GPR180: variants seen among roughly 807,000 people sequenced by gnomAD.
The protein encoded by GPR180 is integral membrane protein GPR180.
GPR180 carries 53 observed loss-of-function variants against 52.6 expected under a neutral mutation model. That is an observed-to-expected ratio of 1.01 (90% CI 0.81 to 1.27). The LOEUF (loss-of-function observed/expected upper bound fraction) is 1.27. GPR180 is among the 50% of genes most tolerant of loss of function. The probability of loss-of-function intolerance (pLI) is 0.00; values close to 1 mark genes in which losing one functional copy is unlikely to be tolerated. For missense variants in GPR180, 533 were observed against 527.0 expected (o/e 1.01, Z -0.11); for synonymous variants, 200 against 193.1 (o/e 1.04, Z -0.30).
chr13:94,602,049 G>A lies in GPR180; in HGVS notation c.122G>A (p.Arg41His), dbSNP rs761090979. 35 of 1,419,286 alleles carry A rather than the reference G, an allele frequency of 2.5e-5. No homozygotes were observed. In the South Asian group the frequency reaches 5.0e-4, roughly 20 times the overall value. 87.9% of individuals were successfully genotyped at this position (1,419,286 alleles called of 1,614,324 possible). A position where few individuals can be genotyped will look rare whatever the true frequency, so the allele number is the denominator to read the frequency against. Residue 41 changes from arginine to histidine, a missense_variant, in exon 1 of 9, where the codon CGC becomes CAC. By Grantham distance (29) the Arg-to-His change is conservative (BLOSUM62 0). Transcript: ENST00000376958. The part of the protein sequence containing the change: ...STAAQDAQGQ[R>H]IGHFEFHGDH... ...GCGGCCCAGGACGCCCAGGGCCAGC[G>A]CATCGGCCACTTCGAGTTCCATGGT...
chr13:94,605,965 T>A (rs1442612539), intron 2 of GPR180, among the ~76,000 whole-genome samples: 1 of 152,200 alleles, frequency 6.6e-6, no homozygotes, highest in Non-Finnish European at 1.5e-5. Context: ...ACATGTCATT[T>A]GAACATGAGA....
chr13:94,623,675 C>CT (rs1889885290), intron 7 of GPR180, among the ~76,000 whole-genome samples: 2 of 133,902 alleles, frequency 1.5e-5, no homozygotes, highest in South Asian at 2.6e-4. Flanking sequence ...GCGAGACCTT[C>CT]TTTTTTTCAA....
chr13:94,616,808 A>G (rs1292728714), intron 3 of GPR180, among the ~76,000 whole-genome samples: 1 of 151,976 alleles, frequency 6.6e-6, no homozygotes, highest in Non-Finnish European at 1.5e-5. Context: ...AAAACAAAAA[A>G]TTGGTAGCTG....
rs1297382014 is a variant in GPR180, at chr13:94,628,307, G to A, written c.*1136G>A. On this transcript the variant is annotated 3_prime_UTR_variant, in exon 9 of 9. Coordinates refer to ENST00000376958, the MANE Select transcript of GPR180 (RefSeq NM_180989.6). ...GTGCCTGATTAAAGAATTGCTAAAT[G>A]GTTGTCAATACTCGCTGTATAAAAT... 1.3e-5 allele frequency: 2 copies of A among 152,164 alleles called. No individual in the cohort carries two copies. The highest frequency in any genetic ancestry group is 4.8e-5 in the African/African-American group (2 of 41,392). 9.4% of individuals were successfully genotyped at this position (152,164 alleles called of 1,614,324 possible).
chr13:94,619,997 C>G (rs1889831816), intron 5 of GPR180, among the ~76,000 whole-genome samples: 1 of 152,190 alleles, frequency 6.6e-6, no homozygotes, highest in Non-Finnish European at 1.5e-5. Flanking sequence ...CCTGGAATTA[C>G]AGGCATGAGT....
chr13:94,622,131 A>G (rs1351351140), intron 6 of GPR180, among the ~76,000 whole-genome samples: 3 of 152,124 alleles, frequency 2.0e-5, no homozygotes, highest in South Asian at 2.1e-4. Context: ...GAGAGAGACC[A>G]TATCACAGGT....
intron 4 of GPR180, 48 bp downstream of exon 4, chr13:94,619,378 C>G (rs1294891100): frequency 2.5e-6 from 4 of 1,589,264 alleles, no homozygotes; most frequent in Admixed American, 3.4e-5. Context: ...TCTAATTAAT[C>G]CTAATTAGTC....
In GPR180 at chr13:94,619,100, G is replaced by A. The variant is rs369128968; in HGVS notation, c.506-50G>A. 2.0e-5 allele frequency: 29 copies of A among 1,474,740 alleles called. No homozygotes were observed. The Admixed American group carries it at 2.5e-4, about 13-fold the overall frequency. 91.4% of individuals were successfully genotyped at this position (1,474,740 alleles called of 1,614,324 possible). Reference sequence around the variant, plus strand: ...GGGAGATTTGAAAGCAGCCCAATACGATAACTGGCTTTGTTTTACTGAAGC... The same window carrying A: ...GGGAGATTTGAAAGCAGCCCAATACAATAACTGGCTTTGTTTTACTGAAGC... On this transcript the variant is annotated intron_variant, in intron 3 of 8. Transcript: ENST00000376958.
intron 2 of GPR180, among the ~76,000 whole-genome samples, chr13:94,609,070 T>C (rs1227001238): frequency 1.3e-5 from 2 of 152,208 alleles, no homozygotes; most frequent in East Asian, 3.8e-4. Context: ...GAATTTTCTA[T>C]CAGATTACAA....
chr13:94,611,365 C>T (rs144048575), intron 2 of GPR180, among the ~76,000 whole-genome samples: 8 of 152,154 alleles, frequency 5.3e-5, no homozygotes, highest in South Asian at 4.2e-4. Flanking sequence ...AAATTTAACT[C>T]GAGTAATCTT....
chr13:94,623,116 T>C lies in GPR180; in HGVS notation c.902T>C (p.Leu301Ser). 1 of 1,608,580 alleles carries C rather than the reference T, an allele frequency of 6.2e-7. No homozygotes were observed. Among genetic ancestry groups the C allele is most frequent in the Non-Finnish European group, 8.5e-7 (1 of 1,176,684 alleles). The change falls in exon 7 of 9, where the codon TTG becomes TCG. Residue 301 changes from leucine (L) to serine (S), a missense_variant. Physicochemically the swap from Leu to Ser is moderately radical, Grantham distance 145. Coordinates refer to ENST00000376958, the MANE Select transcript of GPR180 (RefSeq NM_180989.6). ...AVFIVMTQSV[L>S]LLWEQFEDIS... is the part of the protein sequence containing the mutation. ...ATTGTTTTTCTTTTGCAGAGTGTTT[T>C]GCTACTTTGGGAACAGTTTGAAGAT... is the stretch of plus-strand genomic sequence containing the variant.
At chr13:94,622,989 C>T in intron 6 of GPR180, 120 bp from the exon 7 acceptor site, 1 of 689,508 alleles carries the variant, frequency 1.5e-6, no homozygotes, top group Non-Finnish European at 2.4e-6. Context: ...TTAACAACCT[C>T]TATGGTCTGA....
At chr13:94,620,726 C>G (rs1406783964) in intron 5 of GPR180, among the ~76,000 whole-genome samples, 2 of 152,020 alleles carry the variant, frequency 1.3e-5, no homozygotes, top group African/African-American at 4.8e-5. Context: ...CTTTAATAAG[C>G]AGTGAGTTAT....
intron 3 of GPR180, among the ~76,000 whole-genome samples, chr13:94,618,689 T>C (rs1308262309): frequency 6.6e-6 from 1 of 152,108 alleles, no homozygotes; most frequent in Non-Finnish European, 1.5e-5. Flanking sequence ...ACAAATTCCC[T>C]GGTGATGCTG....
chr13:94,604,817 C>T (rs7329965), intron 1 of GPR180, among the ~76,000 whole-genome samples: 51,304 of 151,694 alleles, frequency 0.34, 9,985 homozygotes, highest in African/African-American at 0.52. Context: ...GCTGGGAATC[C>T]ACCCACCTTG....
chr13:94,624,618 C>G (rs895453979), intron 7 of GPR180, among the ~76,000 whole-genome samples: 9 of 151,988 alleles, frequency 5.9e-5, no homozygotes, highest in Non-Finnish European at 1.0e-4. Flanking sequence ...AGTGCAGTGG[C>G]GTGATCTCGG....
At chr13:94,619,539 T>C in intron 5 of GPR180, 22 bp downstream of exon 5, 3 of 1,600,626 alleles carry the variant, frequency 1.9e-6, no homozygotes, top group Non-Finnish European at 1.7e-6. Context: ...TCTGAGCATT[T>C]TTTAAAAAGC....
intron 7 of GPR180, 27 bp downstream of exon 7, chr13:94,623,327 A>G (rs757603997): frequency 2.0e-6 from 3 of 1,538,450 alleles, no homozygotes; most frequent in Non-Finnish European, 2.7e-6. Flanking sequence ...AAAATCGTTT[A>G]TTCTGATTAT....
chr13:94,615,982 CAA>C, intron 3 of GPR180, among the ~76,000 whole-genome samples: 1 of 152,274 alleles, frequency 6.6e-6, no homozygotes, highest in East Asian at 1.9e-4. Context: ...TCTTACATAA[CAA>C]GAAGTTTTGC....
Sources: gnomAD v4.1 joint callset for allele counts (sites outside exome capture counted in the v4.1 genomes callset) on GRCh38, gnomAD v4.1.1 for gene constraint, MANE v1.5 for transcripts, NCBI Gene and HGNC (gene_info 2026-07-23, HGNC 2026-07-21) for gene names.